Variants in SEMA5A observed in about 807,000 individuals in gnomAD.
The protein encoded by SEMA5A is semaphorin 5A, also known as semaphorin-5A.
A neutral mutation model predicts 135.5 loss-of-function variants in SEMA5A; 55 were observed. The ratio of observed to expected loss-of-function variants is 0.41; its 90% CI spans 0.33 to 0.51. SEMA5A has a LOEUF of 0.51. Among genes scored for constraint, SEMA5A ranks in the 20% least tolerant of loss-of-function variants. SEMA5A has a pLI of 0.37. For missense variants in SEMA5A, 1,290 were observed against 1,419.9 expected (o/e 0.91, Z 1.47); for synonymous variants, 580 against 546.5 (o/e 1.06, Z -0.85).
intron 16 of SEMA5A, among the ~76,000 whole-genome samples, chr5:9,078,658 T>A (rs2150097631): frequency 6.6e-6 from 1 of 151,584 alleles, no homozygotes; most frequent in African/African-American, 2.4e-5. Flanking sequence ...GAAAAAAAAA[T>A]TCTGCCTATA....
At chr5:9,152,762 G>A (rs745587336) in intron 12 of SEMA5A, among the ~76,000 whole-genome samples, 17 of 152,244 alleles carry the variant, frequency 1.1e-4, no homozygotes, top group East Asian at 7.7e-4. Flanking sequence ...ATACTTTTGC[G>A]ACCTGGGTCA....
At chr5:9,323,852 G>A (rs1178811434) in intron 4 of SEMA5A, among the ~76,000 whole-genome samples, 1 of 151,196 alleles carries the variant, frequency 6.6e-6, no homozygotes, top group Non-Finnish European at 1.5e-5. Flanking sequence ...GGTAGAGACA[G>A]GGTTTCACCA....
Position 9,044,382 on chromosome 5 carries a change from CTCCACCGAGTCGTACTTG to C in SEMA5A, c.3078_3095del (p.Asp1026_Val1031del). ...ATTAAAATTCACTTACCTTGATGGC[CTCCACCGAGTCGTACTTG>C]TCCAGTTTGTTGATGTGGTTGGTTA... On this transcript the variant is annotated inframe_deletion, in exon 22 of 23. Transcript: ENST00000382496. 3 of 1,613,018 alleles carry C rather than the reference CTCCACCGAGTCGTACTTG, an allele frequency of 1.9e-6. No individual in the cohort carries two copies. Among genetic ancestry groups the C allele is most frequent in the Non-Finnish European group, 2.5e-6 (3 of 1,179,684 alleles).
intron 2 of SEMA5A, among the ~76,000 whole-genome samples, chr5:9,435,973 A>T (rs1474248106): frequency 1.3e-5 from 2 of 152,208 alleles, no homozygotes; most frequent in Non-Finnish European, 2.9e-5. Flanking sequence ...GACTGTTCTT[A>T]TTCTAGGGAG....
chr5:9,048,979 C>T (rs1206713651), intron 21 of SEMA5A, among the ~76,000 whole-genome samples: 1 of 152,118 alleles, frequency 6.6e-6, no homozygotes, highest in Non-Finnish European at 1.5e-5. Context: ...GATATGATTG[C>T]TTGTCAGAGG....
intron 16 of SEMA5A, among the ~76,000 whole-genome samples, chr5:9,078,207 G>A (rs1180278426): frequency 6.6e-6 from 1 of 152,178 alleles, no homozygotes; most frequent in Non-Finnish European, 1.5e-5. Flanking sequence ...TTAGATAGAA[G>A]CAAATGCCTG....
At chr5:9,285,488 A>T (rs1319325200) in intron 5 of SEMA5A, among the ~76,000 whole-genome samples, 1 of 152,226 alleles carries the variant, frequency 6.6e-6, no homozygotes, top group African/African-American at 2.4e-5. Flanking sequence ...CTCTCAACAT[A>T]CTAACATACA....
At chr5:9,111,118 A>T (rs755885610) in intron 15 of SEMA5A, among the ~76,000 whole-genome samples, 6 of 152,218 alleles carry the variant, frequency 3.9e-5, no homozygotes, top group African/African-American at 9.6e-5. Context: ...GAAAACTCAG[A>T]ATATCAGAAC....
intron 5 of SEMA5A, among the ~76,000 whole-genome samples, chr5:9,286,239 G>A (rs1053764678): frequency 5.9e-5 from 9 of 152,174 alleles, no homozygotes; most frequent in Non-Finnish European, 1.3e-4. Context: ...CTTCTTATGA[G>A]CCTCTATTTG....
rs796566679 is a variant in SEMA5A at position 9,384,673 on chromosome 5, G to T, written c.-77-4650C>A. ...ATAGATAGATAGATATAGATAGATA[G>T]ATATAGATAGATAGATAGATAGATA... On this transcript the variant is annotated intron_variant, in intron 2 of 22. Coordinates refer to ENST00000382496, the MANE Select transcript of SEMA5A (RefSeq NM_003966.3). Among the ~76,000 whole-genome samples the T allele has an allele frequency of 3.4e-3, 308 of 90,574 alleles. 7 individuals carry two copies. Among genetic ancestry groups the T allele is most frequent in the African/African-American group, 7.5e-3 (177 of 23,588 alleles). The allele number at this position is 90,574 out of a possible 152,430, so 59.4% of individuals were successfully genotyped here. A position where few individuals can be genotyped will look rare whatever the true frequency, so the allele number is the denominator to read the frequency against.
At chr5:9,050,522 T>A in intron 20 of SEMA5A, 65 bp from the exon 21 acceptor site, 1 of 1,270,146 alleles carries the variant, frequency 7.9e-7, no homozygotes. Context: ...ACATTCATGC[T>A]TCATGTATGT....
intron 1 of SEMA5A, among the ~76,000 whole-genome samples, chr5:9,505,538 G>A (rs1415074783): frequency 6.6e-6 from 1 of 152,170 alleles, no homozygotes; most frequent in Admixed American, 6.5e-5. Context: ...GCTACAAGTT[G>A]TCAAACCAGA....
intron 9 of SEMA5A, among the ~76,000 whole-genome samples, chr5:9,198,581 C>T (rs1471111572): frequency 6.6e-6 from 1 of 152,162 alleles, no homozygotes; most frequent in Non-Finnish European, 1.5e-5. Flanking sequence ...TATTGTGGGC[C>T]TTCTGCATTT....
At chr5:9,352,101 G>GA (rs1754148577) in intron 3 of SEMA5A, among the ~76,000 whole-genome samples, 1 of 147,058 alleles carries the variant, frequency 6.8e-6, no homozygotes, top group Non-Finnish European at 1.5e-5. Context: ...GGTCGGGGGG[G>GA]TTACTTAAGA....
At chr5:9,516,853 CA>C (rs1736555879) in intron 1 of SEMA5A, 1 of 152,248 alleles carries the variant, frequency 6.6e-6, no homozygotes, top group African/African-American at 2.4e-5. Context: ...ATTTAGGAAC[CA>C]GGGATCCATG....
intron 5 of SEMA5A, among the ~76,000 whole-genome samples, chr5:9,248,517 C>G (rs1163601359): frequency 6.7e-6 from 1 of 148,220 alleles, no homozygotes; most frequent in East Asian, 2.0e-4. Flanking sequence ...AAAAGATATC[C>G]ATCATCATCT....
At chr5:9,361,024 C>T (rs1754666291) in intron 3 of SEMA5A, among the ~76,000 whole-genome samples, 2 of 152,122 alleles carry the variant, frequency 1.3e-5, no homozygotes, top group East Asian at 1.9e-4. Flanking sequence ...TCTGGCCAGG[C>T]GCAGTGGCAC....
chr5:9,383,097 A>G lies in SEMA5A; in HGVS notation c.-77-3074T>C, dbSNP rs1805925. Among the ~76,000 whole-genome samples, 278 of 152,350 alleles carry G rather than the reference A, an allele frequency of 1.8e-3. 1 individual carries two copies. The highest frequency in any genetic ancestry group is 6.3e-3 in the African/African-American group (264 of 41,592). On this transcript the variant is annotated intron_variant, in intron 2 of 22. Coordinates refer to ENST00000382496, the MANE Select transcript of SEMA5A (RefSeq NM_003966.3). ...CAAGCACAGAGCACTGTAATGGACA[A>G]TGGATGAGAAAATGCTCATTGTCCC...
chr5:9,506,681 TAAG>T lies in SEMA5A; in HGVS notation c.-175+38900_-175+38902del, dbSNP rs1735898614. ...GGGCAAAAATTGCAAATGGACATGTTAAGAAGGTGATGAAATTTATCAAAACAA... is the reference window on the plus strand; with the variant it reads ...GGGCAAAAATTGCAAATGGACATGTTAAGGTGATGAAATTTATCAAAACAA... On this transcript the variant is annotated intron_variant, in intron 1 of 22. Coordinates refer to ENST00000382496, the MANE Select transcript of SEMA5A (RefSeq NM_003966.3). Among the ~76,000 whole-genome samples, 3 of 152,172 alleles carry T rather than the reference TAAG, an allele frequency of 2.0e-5. No individual in the cohort carries two copies. The South Asian group carries it at 6.2e-4, about 32-fold the overall frequency.
Sources: gnomAD v4.1 joint callset for allele counts (sites outside exome capture counted in the v4.1 genomes callset) on GRCh38, gnomAD v4.1.1 for gene constraint, MANE v1.5 for transcripts, NCBI Gene and HGNC (gene_info 2026-07-23, HGNC 2026-07-21) for gene names.